The following CASP9 variants were observed in gnomAD, a reference collection of about 807,000 sequenced individuals.
The protein encoded by CASP9 is caspase 9.
A neutral mutation model predicts 43.5 loss-of-function variants in CASP9; 29 were observed. The ratio of observed to expected loss-of-function variants is 0.67; its 90% CI spans 0.50 to 0.91. The LOEUF is 0.91. CASP9 is among the 40% of genes least tolerant of loss of function. The pLI, the probability that CASP9 is intolerant of heterozygous loss-of-function variation, is 0.00. For synonymous variants in CASP9, 206 were observed against 211.9 expected, an observed-to-expected ratio of 0.97 and a Z score of 0.24; for missense variants, 575 against 537.4, an observed-to-expected ratio of 1.07 and a Z score of -0.69.
chr1:15,506,466 C>A (rs529210156), intron 4 of CASP9, among the ~76,000 whole-genome samples: 9 of 151,804 alleles, frequency 5.9e-5, no homozygotes, highest in African/African-American at 9.7e-5. Flanking sequence ...CCCGCCCCCC[C>A]CAAAAAATAA....
At chr1:15,521,013 C>T (rs567473752) in intron 1 of CASP9, among the ~76,000 whole-genome samples, 10 of 151,894 alleles carry the variant, frequency 6.6e-5, no homozygotes, top group South Asian at 4.2e-4. Context: ...AAAAATTAGC[C>T]GGGCGTGGTG....
chr1:15,496,766 C>T (rs1282481058), intron 6 of CASP9, among the ~76,000 whole-genome samples: 2 of 152,212 alleles, frequency 1.3e-5, no homozygotes, highest in East Asian at 1.9e-4. Flanking sequence ...CCATGGCTCA[C>T]GCCTGTAATC....
intron 4 of CASP9, among the ~76,000 whole-genome samples, 196 bp from the exon 5 acceptor site, chr1:15,506,275 C>G (rs988663275): frequency 3.5e-5 from 5 of 144,516 alleles, no homozygotes; most frequent in Non-Finnish European, 6.0e-5. Context: ...ATGGTGAAAC[C>G]CCGTCTCTAC....
At chr1:15,510,662 G>A (rs1709719701) in intron 2 of CASP9, among the ~76,000 whole-genome samples, 2 of 152,094 alleles carry the variant, frequency 1.3e-5, no homozygotes, top group Non-Finnish European at 2.9e-5. Context: ...AGGGAGAGGA[G>A]ACACTCCAGG....
intron 6 of CASP9, among the ~76,000 whole-genome samples, chr1:15,501,258 C>G (rs926090489): frequency 1.3e-5 from 2 of 152,202 alleles, no homozygotes; most frequent in African/African-American, 4.8e-5. Flanking sequence ...TTGCCTATCA[C>G]GCTGACGTTG....
chr1:15,518,316 G>A lies in CASP9; in HGVS notation c.212C>T (p.Pro71Leu). The stretch of plus-strand genomic sequence containing the variant: ...GTCCTCTAAGCAGGAGATGAACAAA[G>A]GAAGAGCCTGACTCCCTCGAGTCTC... ...DLETRGSQAL[P>L]LFISCLEDTG... is the part of the protein sequence containing the mutation. Residue 71 changes from proline (P) to leucine (L), a missense_variant, in exon 2 of 9, where the codon CCT becomes CTT. Physicochemically the swap from Pro to Leu is moderately conservative, Grantham distance 98 (BLOSUM62 -3). Transcript: ENST00000333868. 6.2e-7 allele frequency: 1 copy of A among 1,614,176 alleles called. No individual in the cohort carries two copies. Among genetic ancestry groups the A allele is most frequent in the Non-Finnish European group, 8.5e-7 (1 of 1,180,044 alleles).
chr1:15,512,622 T>C (rs540483975), intron 2 of CASP9, among the ~76,000 whole-genome samples: 1 of 152,286 alleles, frequency 6.6e-6, no homozygotes, highest in Non-Finnish European at 1.5e-5. Context: ...TCAGCGTCCA[T>C]AATTGCATGA....
At chr1:15,514,278 A>C (rs1209123345) in intron 2 of CASP9, among the ~76,000 whole-genome samples, 1 of 152,216 alleles carries the variant, frequency 6.6e-6, no homozygotes, top group Non-Finnish European at 1.5e-5. Context: ...AATCGTCCCC[A>C]GTGTGAAACA....
chr1:15,515,446 C>T (rs1397347054), intron 2 of CASP9, among the ~76,000 whole-genome samples: 1 of 152,202 alleles, frequency 6.6e-6, no homozygotes, highest in Non-Finnish European at 1.5e-5. Flanking sequence ...GTCCACCAGG[C>T]ACCCATGAAA....
intron 2 of CASP9, among the ~76,000 whole-genome samples, chr1:15,515,375 G>A (rs1709911851): frequency 6.6e-6 from 1 of 152,178 alleles, no homozygotes; most frequent in African/African-American, 2.4e-5. Context: ...CCATTATGCA[G>A]CAAGTACTCA....
chr1:15,517,733 T>C (rs1710006212), intron 2 of CASP9, among the ~76,000 whole-genome samples: 1 of 152,072 alleles, frequency 6.6e-6, no homozygotes, highest in Non-Finnish European at 1.5e-5. Context: ...CAGATACAAC[T>C]GAGGCCTGTC....
At chr1:15,495,188 G>A (rs1709058651) in intron 7 of CASP9, 85 bp downstream of exon 7, 6 of 1,254,602 alleles carry the variant, frequency 4.8e-6, no homozygotes, top group Non-Finnish European at 6.7e-6. Flanking sequence ...CTCATACCCT[G>A]GTCTTTTCTC....
chr1:15,507,032 A>T lies in CASP9; in HGVS notation c.497T>A (p.Ile166Asn). The T allele has an allele frequency of 1.2e-6, 2 of 1,614,178 alleles. No individual in the cohort carries two copies. Among genetic ancestry groups the T allele is most frequent in the Non-Finnish European group, 1.7e-6 (2 of 1,180,018 alleles). ...SMEPCGHCLI[I>N]NNVNFCRESG... is the part of the protein sequence containing the mutation. ...CTCACGGCAGAAGTTCACATTGTTG[A>T]TAATGAGGCAGTGGCCACAGGGCTC... Residue 166 changes from isoleucine to asparagine, a missense_variant, in exon 4 of 9, where the codon ATC becomes AAC. Ile to Asn is a moderately radical substitution (Grantham distance 149). Coordinates refer to ENST00000333868, the MANE Select transcript of CASP9 (RefSeq NM_001229.5).
intron 4 of CASP9, 140 bp downstream of exon 4, chr1:15,506,759 C>T (rs1570848054): frequency 3.0e-6 from 2 of 675,198 alleles, no homozygotes; most frequent in Non-Finnish European, 5.0e-6. Context: ...GAACCTGTAG[C>T]CGCTGGGCCG....
rs1709826484 is a variant in CASP9 at position 15,513,173 on chromosome 1, A to C, written c.418+4937T>G. ...AAGACTCCGTCTCAAAAAAAAAAAA[A>C]AAAACGAACGGCTCATTCTCTTTCT... On this transcript the variant is annotated intron_variant, in intron 2 of 8. Transcript: ENST00000333868. 2.0e-5 allele frequency among the ~76,000 whole-genome samples: 3 copies of C among 152,078 alleles called. No individual in the cohort carries two copies. In the South Asian group the frequency reaches 6.2e-4, roughly 32 times the overall value.
At chr1:15,508,183 T>A (rs1709597589) in intron 2 of CASP9, among the ~76,000 whole-genome samples, 1 of 152,184 alleles carries the variant, frequency 6.6e-6, no homozygotes, top group Non-Finnish European at 1.5e-5. Context: ...CCCTGAGGCC[T>A]TATTCATCAC....
At chr1:15,515,053 CTGT>C (rs570035602) in intron 2 of CASP9, among the ~76,000 whole-genome samples, 136 of 152,214 alleles carry the variant, frequency 8.9e-4, no homozygotes, top group African/African-American at 3.0e-3. Context: ...CTTACTATTG[CTGT>C]TGTTATTTAC....
intron 8 of CASP9, 77 bp downstream of exon 8, chr1:15,493,815 C>T: frequency 6.5e-7 from 1 of 1,544,260 alleles, no homozygotes; most frequent in Non-Finnish European, 8.7e-7. Flanking sequence ...CCTGCTCACC[C>T]CAAATCCCCA....
Position 15,513,920 on chromosome 1 carries a change from T to C in CASP9, c.418+4190A>G, listed in dbSNP as rs868435050. Among the ~76,000 whole-genome samples the C allele has an allele frequency of 2.6e-5, 4 of 152,284 alleles. No homozygotes were observed. The Middle Eastern group carries it at 0.01, about 388-fold the overall frequency. ...TGTATTACAGGATAATAGGAGCAAC[T>C]ACCAACCTCATAGGATTGTGATGAC... On this transcript the variant is annotated intron_variant, in intron 2 of 8. Transcript: ENST00000333868.
Sources: allele counts gnomAD v4.1 joint callset (sites outside exome capture counted in the v4.1 genomes callset), GRCh38; gene constraint gnomAD v4.1.1; transcripts MANE v1.5; gene names NCBI Gene and HGNC (gene_info 2026-07-23, HGNC 2026-07-21).